The following MAPRE2 variants were observed in gnomAD, a reference collection of about 807,000 sequenced individuals.
MAPRE2 encodes microtubule associated protein RP/EB family member 2, also known as microtubule-associated protein RP/EB family member 2.
Under a neutral mutation model 43.2 loss-of-function variants are expected in MAPRE2, and 13 were observed. The observed-to-expected ratio is 0.30, with a 90% CI of 0.20 to 0.48. The LOEUF is 0.48. Ranked by LOEUF, MAPRE2 falls within the 20% of genes least tolerant of loss-of-function variation. The pLI is 0.99. For missense variants in MAPRE2, 161 were observed against 400.2 expected (o/e 0.40, Z 5.10); for synonymous variants, 135 against 148.8 (o/e 0.91, Z 0.68).
At chr18:35,040,353 T>A (rs1426259004), upstream of MAPRE2, among the ~76,000 whole-genome samples, 2 of 152,242 alleles carry the variant, frequency 1.3e-5, no homozygotes, top group Non-Finnish European at 2.9e-5. Context: ...ATCTTGGAAG[T>A]ACTTGATTCT....
At chr18:35,071,210 G>A (rs1222457893) in intron 2 of MAPRE2, among the ~76,000 whole-genome samples, 2 of 152,078 alleles carry the variant, frequency 1.3e-5, no homozygotes, top group Non-Finnish European at 2.9e-5. Context: ...AAAATAGGAG[G>A]ATGTTTTAAA....
intron 2 of MAPRE2, among the ~76,000 whole-genome samples, chr18:35,087,760 G>A (rs555494600): frequency 6.6e-6 from 1 of 152,214 alleles, no homozygotes; most frequent in East Asian, 1.9e-4. Flanking sequence ...TGCAGCGAGG[G>A]AAAAAATAAG....
Position 34,989,849 on chromosome 18 carries a change from C to T in MAPRE2, c.-70+12770C>T, listed in dbSNP as rs575359. Among the ~76,000 whole-genome samples, 94 of 151,936 alleles carry T rather than the reference C, an allele frequency of 6.2e-4. No homozygotes were observed. In the South Asian group the frequency reaches 0.016, roughly 25 times the overall value. On this transcript the variant is annotated intron_variant, in intron 1 of 7. Coordinates refer to the MAPRE2 transcript ENST00000413393. ...GAATCTGCACTTTAGGAGGATCCCCCGGTAATCTGTTGTTTGGCATTAATA... is the reference window on the plus strand; with the variant it reads ...GAATCTGCACTTTAGGAGGATCCCCTGGTAATCTGTTGTTTGGCATTAATA...
intron 4 of MAPRE2, among the ~76,000 whole-genome samples, chr18:35,119,968 T>G (rs1909599922): frequency 6.6e-6 from 1 of 152,238 alleles, no homozygotes; most frequent in Admixed American, 6.5e-5. Context: ...GAGCACATGC[T>G]GTGTGCCAGA....
chr18:34,999,142 G>A (rs1247363975), intron 1 of MAPRE2, among the ~76,000 whole-genome samples: 10 of 152,108 alleles, frequency 6.6e-5, no homozygotes, highest in African/African-American at 1.7e-4. Context: ...ATTCTGCCAC[G>A]TAACATGCAT....
intron 1 of MAPRE2, among the ~76,000 whole-genome samples, chr18:34,987,791 T>C (rs2150573301): frequency 6.6e-6 from 1 of 152,174 alleles, no homozygotes; most frequent in African/African-American, 2.4e-5. Flanking sequence ...TATAGCTGCA[T>C]GCTGCCATGC....
intron 1 of MAPRE2, among the ~76,000 whole-genome samples, chr18:35,060,341 C>T (rs909264414): frequency 6.6e-6 from 1 of 152,094 alleles, no homozygotes. Context: ...AGGAGACCAG[C>T]CAAGCCCTGT....
intron 6 of MAPRE2, among the ~76,000 whole-genome samples, chr18:35,134,760 G>A (rs1449198070): frequency 4.6e-5 from 7 of 152,204 alleles, no homozygotes; most frequent in Admixed American, 2.0e-4. Context: ...ACCTTCGAAA[G>A]CCTAGTTGTG....
At chr18:35,050,354 A>G (rs1905872617) in intron 1 of MAPRE2, among the ~76,000 whole-genome samples, 2 of 152,240 alleles carry the variant, frequency 1.3e-5, no homozygotes, top group Admixed American at 1.3e-4. Context: ...GATTTGCCTA[A>G]TGCAAGTACC....
At chr18:35,102,492 G>A (rs934936488) in intron 4 of MAPRE2, among the ~76,000 whole-genome samples, 1 of 152,104 alleles carries the variant, frequency 6.6e-6, no homozygotes, top group Non-Finnish European at 1.5e-5. Context: ...TTTGACTGAA[G>A]TATTTTTACT....
At chr18:35,032,689 GTT>G (rs939352277) in intron 2 of MAPRE2, among the ~76,000 whole-genome samples, 1 of 151,546 alleles carries the variant, frequency 6.6e-6, no homozygotes, top group African/African-American at 2.4e-5. Context: ...TTTTTGTTTT[GTT>G]TTTTTGTTTA....
intron 1 of MAPRE2, among the ~76,000 whole-genome samples, chr18:35,065,141 C>G (rs2150618692): frequency 6.6e-6 from 1 of 151,520 alleles, no homozygotes; most frequent in African/African-American, 2.4e-5. Context: ...CTAAAAATAC[C>G]AAAAAAATTA....
chr18:35,139,985 A>G (rs1910556499), intron 6 of MAPRE2, among the ~76,000 whole-genome samples: 1 of 152,184 alleles, frequency 6.6e-6, no homozygotes, highest in African/African-American at 2.4e-5. Context: ...ACTCTTTTAC[A>G]AAGGTTAGGA....
At chr18:35,026,565 C>A (rs1161495875) in intron 2 of MAPRE2, among the ~76,000 whole-genome samples, 1 of 152,046 alleles carries the variant, frequency 6.6e-6, no homozygotes, top group Non-Finnish European at 1.5e-5. Flanking sequence ...GCGCAGTCTG[C>A]AGAGGCCTGT....
At chr18:35,051,200 G>A (rs1905918896) in intron 1 of MAPRE2, among the ~76,000 whole-genome samples, 1 of 152,120 alleles carries the variant, frequency 6.6e-6, no homozygotes, top group Non-Finnish European at 1.5e-5. Context: ...CTTTTCAAGG[G>A]CAGAGTAAAC....
intron 2 of MAPRE2, among the ~76,000 whole-genome samples, chr18:35,096,517 C>G (rs1291961358): frequency 6.6e-6 from 1 of 152,114 alleles, no homozygotes; most frequent in African/African-American, 2.4e-5. Flanking sequence ...TCAAAAGTCC[C>G]CTTTTTCTAT....
At chr18:35,127,136 G>C in intron 5 of MAPRE2, 49 bp downstream of exon 5, 1 of 1,606,428 alleles carries the variant, frequency 6.2e-7, no homozygotes, top group Non-Finnish European at 8.5e-7. Flanking sequence ...ACGTGTGTAA[G>C]AGGTAGGGGG....
At chr18:35,113,327 C>G (rs373409143) in intron 4 of MAPRE2, among the ~76,000 whole-genome samples, 1 of 152,246 alleles carries the variant, frequency 6.6e-6, no homozygotes. Context: ...GGGCTTCTTC[C>G]TAGGAAGAGC....
intron 4 of MAPRE2, among the ~76,000 whole-genome samples, chr18:35,111,346 A>T (rs922116128): frequency 2.0e-5 from 3 of 152,116 alleles, no homozygotes; most frequent in Non-Finnish European, 4.4e-5. Context: ...TACTTCACTA[A>T]ACACGCTTAT....
Sources: gnomAD v4.1 joint callset for allele counts (sites outside exome capture counted in the v4.1 genomes callset) on GRCh38, gnomAD v4.1.1 for gene constraint, MANE v1.5 for transcripts, NCBI Gene and HGNC (gene_info 2026-07-23, HGNC 2026-07-21) for gene names.